The following CARNMT1 variants were observed in gnomAD, a reference collection of about 807,000 sequenced individuals.
The protein encoded by CARNMT1 is carnosine N-methyltransferase 1, also known as protein-L-histidine N-pros-methyltransferase CARNMT1.
A neutral mutation model predicts 49.6 loss-of-function variants in CARNMT1; 28 were observed. The observed-to-expected ratio is 0.56, with a 90% CI of 0.42 to 0.77. The LOEUF (loss-of-function observed/expected upper bound fraction) is 0.77. CARNMT1 is among the 30% of genes least tolerant of loss of function. The pLI is 0.00. For synonymous variants in CARNMT1, 178 were observed against 175.0 expected, an observed-to-expected ratio of 1.02 and a Z score of -0.13; for missense variants, 421 against 512.6, an observed-to-expected ratio of 0.82 and a Z score of 1.73.
chr9:75,016,398 C>A lies in CARNMT1; in HGVS notation c.460G>T (p.Asp154Tyr). Residue 154 changes from aspartate (D) to tyrosine (Y), a missense_variant, in exon 3 of 8, where the codon GAC becomes TAC. Around this residue, in one of 2 missense-constraint regions of CARNMT1, gnomAD observed 235 missense variants for 344.8 expected, o/e 0.68. Coordinates refer to ENST00000376834, the MANE Select transcript of CARNMT1 (RefSeq NM_152420.3). ...AGCGTGGATTTTAACTTATCCATGT[C>A]AAATGTAGATGCTGGCATAATCTTT... Reference protein sequence around the residue: ...NGKIMPASTFDMDKLKSTLKQ... With the variant: ...NGKIMPASTFYMDKLKSTLKQ... 1 of 1,613,974 alleles carries A rather than the reference C, an allele frequency of 6.2e-7. No homozygotes were observed. The highest frequency in any genetic ancestry group is 1.1e-5 in the South Asian group (1 of 91,036).
At chr9:75,021,456 A>G (rs1822359658) in intron 1 of CARNMT1, among the ~76,000 whole-genome samples, 1 of 136,094 alleles carries the variant, frequency 7.3e-6, no homozygotes, top group South Asian at 2.4e-4. Flanking sequence ...AATAGTATAT[A>G]TAGGATAAAT....
At chr9:75,019,577 ATTAAC>A (rs1160988151) in intron 1 of CARNMT1, among the ~76,000 whole-genome samples, 2 of 152,190 alleles carry the variant, frequency 1.3e-5, no homozygotes, top group African/African-American at 4.8e-5. Flanking sequence ...GGAGGCTTCA[ATTAAC>A]TTAACAAGAA....
chr9:75,006,493 A>T (rs1036759585), intron 3 of CARNMT1, among the ~76,000 whole-genome samples: 1 of 152,244 alleles, frequency 6.6e-6, no homozygotes, highest in African/African-American at 2.4e-5. Context: ...TAAGGAAATC[A>T]ATCTAAATCA....
chr9:74,983,847 A>G lies in CARNMT1; in HGVS notation c.1150T>C (p.Ser384Pro). 1 of 1,599,330 alleles carries G rather than the reference A, an allele frequency of 6.3e-7. No individual in the cohort carries two copies. The highest frequency in any genetic ancestry group is 8.5e-7 in the Non-Finnish European group (1 of 1,172,568). Residue 384 changes from serine to proline, a missense_variant, in exon 8 of 8, where the codon TCA (serine) becomes CCA (proline). Physicochemically the swap from Ser to Pro is moderately conservative, Grantham distance 74. Transcript: ENST00000376834. ...GAGAGATCATTCACAGTATATGTTG[A>G]CAATACAGATTCTTTTTCCACCTGC... is the stretch of plus-strand genomic sequence containing the variant. The part of the protein sequence containing the change: ...KVEVEKESVL[S>P]TYTVNDLSMM...
At chr9:74,988,118 T>A (rs896365288) in intron 6 of CARNMT1, among the ~76,000 whole-genome samples, 1 of 152,102 alleles carries the variant, frequency 6.6e-6, no homozygotes, top group African/African-American at 2.4e-5. Context: ...TGTCTTGTTA[T>A]ATTACCCAAG....
intron 6 of CARNMT1, among the ~76,000 whole-genome samples, chr9:74,992,140 C>T (rs1300526022): frequency 7.2e-5 from 11 of 151,970 alleles, no homozygotes; most frequent in Admixed American, 3.3e-4. Context: ...GGTGTGGTGG[C>T]GCACGCCTGT....
intron 3 of CARNMT1, chr9:75,010,277 C>G (rs545954754): frequency 6.6e-6 from 1 of 151,944 alleles, no homozygotes; most frequent in African/African-American, 2.4e-5. Context: ...GTGCCCACCA[C>G]CACACCCAGC....
intron 6 of CARNMT1, among the ~76,000 whole-genome samples, chr9:74,987,817 C>T (rs1033976874): frequency 2.0e-5 from 3 of 151,592 alleles, no homozygotes; most frequent in Non-Finnish European, 2.9e-5. Context: ...AAAAACACAA[C>T]AAGAATTTTT....
At chr9:75,020,946 G>A (rs1822328124) in intron 1 of CARNMT1, among the ~76,000 whole-genome samples, 1 of 152,054 alleles carries the variant, frequency 6.6e-6, no homozygotes, top group East Asian at 1.9e-4. Flanking sequence ...GCCTTCCTTT[G>A]TCCAACTCTC....
chr9:74,990,049 GAA>G (rs1832966860), intron 6 of CARNMT1, among the ~76,000 whole-genome samples: 1 of 152,154 alleles, frequency 6.6e-6, no homozygotes, highest in Admixed American at 6.5e-5. Flanking sequence ...AAGAAACAGA[GAA>G]AAAGAATGAG....
At chr9:75,002,156 AT>A (rs1833377087) in intron 3 of CARNMT1, among the ~76,000 whole-genome samples, 2 of 152,336 alleles carry the variant, frequency 1.3e-5, no homozygotes, top group South Asian at 4.1e-4. Context: ...GACAGAGTCC[AT>A]GTGTCTAAAG....
intron 1 of CARNMT1, among the ~76,000 whole-genome samples, chr9:75,021,966 T>C (rs902771359): frequency 6.6e-6 from 1 of 151,936 alleles, no homozygotes; most frequent in Non-Finnish European, 1.5e-5. Flanking sequence ...AAAAAAGTCA[T>C]CTAGCATCTT....
chr9:75,028,088 G>C lies in CARNMT1; in HGVS notation c.154C>G (p.Arg52Gly). The C allele has an allele frequency of 6.4e-7, 1 of 1,560,592 alleles. No homozygotes were observed. The highest frequency in any genetic ancestry group is 1.2e-5 in the South Asian group (1 of 85,418). ...CTCTCCTCCTCCTCCTCGGTGCTGC[G>C]CGTGGCCGCCGCCGCTGCCGCCGAA... ...AVSAAAAAAT[R>G]STEEEEERLE... The change falls in exon 1 of 8, where the codon CGC becomes GGC. Residue 52 changes from arginine (R) to glycine (G), a missense_variant. Physicochemically the swap from Arg to Gly is moderately radical, Grantham distance 125. Coordinates refer to ENST00000376834, the MANE Select transcript of CARNMT1 (RefSeq NM_152420.3).
At chr9:74,997,881 C>T in intron 5 of CARNMT1, among the ~76,000 whole-genome samples, 1 of 152,204 alleles carries the variant, frequency 6.6e-6, no homozygotes, top group Middle Eastern at 3.4e-3. Flanking sequence ...TCTCTTTTGA[C>T]ACCTAGAAAA....
At chr9:74,990,206 C>T (rs1180738320) in intron 6 of CARNMT1, among the ~76,000 whole-genome samples, 4 of 152,172 alleles carry the variant, frequency 2.6e-5, no homozygotes, top group African/African-American at 7.2e-5. Flanking sequence ...GCCTAACAAA[C>T]TGTGCACAGT....
At chr9:75,002,141 G>GT (rs542761163) in intron 3 of CARNMT1, among the ~76,000 whole-genome samples, 9 of 152,156 alleles carry the variant, frequency 5.9e-5, no homozygotes, top group Non-Finnish European at 1.3e-4. Context: ...GGATACATCT[G>GT]TAAGGACAGA....
rs896163480 is a variant in CARNMT1 at position 75,010,783 on chromosome 9, A to T, written c.590+5485T>A. On this transcript the variant is annotated intron_variant, in intron 3 of 7. Coordinates refer to ENST00000376834, the MANE Select transcript of CARNMT1 (RefSeq NM_152420.3). ...AAGACACCTCACAGTCAAACTGCTAAATAATAAAGGTAGAGGCAGGGTGGG... is the reference window on the plus strand; with the variant it reads ...AAGACACCTCACAGTCAAACTGCTATATAATAAAGGTAGAGGCAGGGTGGG... Among the ~76,000 whole-genome samples, 3 of 130,492 alleles carry T rather than the reference A, an allele frequency of 2.3e-5. No homozygotes were observed. The Admixed American group carries it at 2.4e-4, about 10-fold the overall frequency. The allele number at this position is 130,492 out of a possible 152,430, so 85.6% of individuals were successfully genotyped here. A position where few individuals can be genotyped will look rare whatever the true frequency, so the allele number is the denominator to read the frequency against.
In CARNMT1 at chr9:74,982,347, G is replaced by A. The variant is rs946843604; in HGVS notation, c.*1420C>T. The A allele has an allele frequency of 3.3e-5, 5 of 152,124 alleles. No homozygotes were observed. Among genetic ancestry groups the A allele is most frequent in the Non-Finnish European group, 7.3e-5 (5 of 68,034 alleles). 9.4% of individuals were successfully genotyped at this position (152,124 alleles called of 1,614,324 possible). A position where few individuals can be genotyped will look rare whatever the true frequency, so the allele number is the denominator to read the frequency against. On this transcript the variant is annotated 3_prime_UTR_variant, in exon 8 of 8. Transcript: ENST00000376834. ...AATCATCTGTGAAAATATTCAAGAA[G>A]AGTTCTTCCTTTTCTCCAAGAAAAG... is the stretch of plus-strand genomic sequence containing the variant.
chr9:75,001,052 C>T (rs1227954738), intron 3 of CARNMT1, among the ~76,000 whole-genome samples: 1 of 152,132 alleles, frequency 6.6e-6, no homozygotes, highest in African/African-American at 2.4e-5. Flanking sequence ...CCTTTCTTTT[C>T]TCAGTTCCCA....
Sources: gnomAD v4.1 joint callset for allele counts (sites outside exome capture counted in the v4.1 genomes callset) on GRCh38, gnomAD v4.1.1 for gene constraint, gnomAD v4.1.1 regional missense constraint, MANE v1.5 for transcripts, NCBI Gene and HGNC (gene_info 2026-07-23, HGNC 2026-07-21) for gene names.